The following GALNTL6 variants were observed in gnomAD, a reference collection of about 807,000 sequenced individuals.
GALNTL6 encodes the protein polypeptide N-acetylgalactosaminyltransferase like 6.
GALNTL6 carries 46 observed loss-of-function variants against 73.7 expected under a neutral mutation model. The ratio of observed to expected loss-of-function variants is 0.62; its 90% confidence interval spans 0.49 to 0.80. The LOEUF (loss-of-function observed/expected upper bound fraction) is 0.80. GALNTL6 is among the 30% of genes least tolerant of loss of function. The pLI is 0.00. For synonymous variants in GALNTL6, 259 were observed against 263.7 expected (o/e 0.98, Z 0.17); for missense variants, 604 against 755.0 (o/e 0.80, Z 2.34).
intron 4 of GALNTL6, among the ~76,000 whole-genome samples, chr4:172,334,389 A>G (rs1741236156): frequency 1.3e-5 from 2 of 152,144 alleles, no homozygotes; most frequent in Non-Finnish European, 1.5e-5. Flanking sequence ...TAAGTATAGT[A>G]TATTTTTCCA....
chr4:172,273,763 G>T (rs1481799908), intron 3 of GALNTL6, among the ~76,000 whole-genome samples: 2 of 152,162 alleles, frequency 1.3e-5, no homozygotes, highest in African/African-American at 4.8e-5. Context: ...TAGTGGGACC[G>T]AAGGGTGGAT....
intron 2 of GALNTL6, among the ~76,000 whole-genome samples, chr4:172,129,446 A>C (rs941834759): frequency 2.6e-5 from 4 of 152,200 alleles, no homozygotes; most frequent in African/African-American, 4.8e-5. Context: ...GGCATGCCTT[A>C]AAGTTTGAGA....
At chr4:172,052,559 G>A (rs1387615167) in intron 2 of GALNTL6, 5 of 1,479,856 alleles carry the variant, frequency 3.4e-6, no homozygotes, top group Non-Finnish European at 4.6e-6. Flanking sequence ...AACGGCTGCA[G>A]TGCAGACCAA....
At chr4:172,431,572 A>G (rs1207390770) in intron 5 of GALNTL6, among the ~76,000 whole-genome samples, 1 of 152,164 alleles carries the variant, frequency 6.6e-6, no homozygotes, top group Non-Finnish European at 1.5e-5. Flanking sequence ...TGCTCTAAAA[A>G]TTCAGAATGA....
intron 4 of GALNTL6, among the ~76,000 whole-genome samples, chr4:172,320,045 G>C (rs1578951704): frequency 6.6e-6 from 1 of 152,264 alleles, no homozygotes; most frequent in East Asian, 1.9e-4. Flanking sequence ...CCTAGGAGGA[G>C]CAGGACTTCA....
intron 9 of GALNTL6, among the ~76,000 whole-genome samples, chr4:172,931,556 T>C (rs1246995095): frequency 1.3e-5 from 2 of 152,210 alleles, no homozygotes; most frequent in Non-Finnish European, 2.9e-5. Flanking sequence ...AAGTCTGAAC[T>C]AGGTGCTTGT....
chr4:172,259,577 AT>A (rs1738189181), intron 3 of GALNTL6, among the ~76,000 whole-genome samples: 1 of 150,832 alleles, frequency 6.6e-6, no homozygotes, highest in South Asian at 2.1e-4. Context: ...TACTCTGCTG[AT>A]TATTTCTTTT....
chr4:171,941,486 G>C (rs932362482), intron 2 of GALNTL6, among the ~76,000 whole-genome samples: 32 of 152,036 alleles, frequency 2.1e-4, no homozygotes, highest in African/African-American at 7.5e-4. Context: ...AAATTCTTCT[G>C]TAACATTGAC....
chr4:171,914,580 C>T (rs368314110), intron 2 of GALNTL6, among the ~76,000 whole-genome samples: 1 of 151,346 alleles, frequency 6.6e-6, no homozygotes, highest in South Asian at 2.1e-4. Flanking sequence ...CTACCATGCC[C>T]AATTTTTGTA....
At position 172,871,588 on chromosome 4, in the gene GALNTL6, T is replaced by TGG. The variant is rs199889170; in HGVS notation, c.924-11195_924-11194dup. On this transcript the variant is annotated intron_variant, in intron 7 of 12. Coordinates refer to ENST00000506823, the MANE Select transcript of GALNTL6 (RefSeq NM_001034845.3). Reference sequence around the variant, plus strand: ...CAGTAGGATCTATAGTCTCTGACTCTGGGGGGGGTGTGTGTGTGTGAGAGT... The same window carrying TGG: ...CAGTAGGATCTATAGTCTCTGACTCTGGGGGGGGGGTGTGTGTGTGTGAGAGT... Among the ~76,000 whole-genome samples the TGG allele has an allele frequency of 2.8e-3, 343 of 121,852 alleles. 2 individuals are homozygous for TGG. Among genetic ancestry groups the TGG allele is most frequent in the South Asian group, 5.2e-3 (15 of 2,884 alleles). The allele number at this position is 121,852 out of a possible 152,430, so 79.9% of individuals were successfully genotyped here.
intron 8 of GALNTL6, among the ~76,000 whole-genome samples, chr4:172,909,403 A>C (rs1747082002): frequency 1.3e-5 from 2 of 151,982 alleles, no homozygotes. Context: ...ATCTGGGAAA[A>C]ATTATTTGCA....
intron 5 of GALNTL6, among the ~76,000 whole-genome samples, chr4:172,522,721 ATGAGGG>A (rs1734825753): frequency 1.4e-5 from 2 of 138,782 alleles, no homozygotes; most frequent in Middle Eastern, 3.9e-3. Context: ...AATTATGAGG[ATGAGGG>A]TTTTCATTCA....
At chr4:172,295,531 G>GTTTTTTTTTTTTTTTTTT (rs58721038) in intron 3 of GALNTL6, among the ~76,000 whole-genome samples, 2 of 73,164 alleles carry the variant, frequency 2.7e-5, no homozygotes, top group Admixed American at 1.7e-4. Flanking sequence ...CTTTTTTTAG[G>GTTTTTTTTTTTTTTTTTT]TTTTTTTTTT....
chr4:172,871,142 A>G (rs867965155), intron 7 of GALNTL6, among the ~76,000 whole-genome samples: 6 of 152,160 alleles, frequency 3.9e-5, no homozygotes, highest in Admixed American at 3.9e-4. Context: ...TACCCTAATT[A>G]CTTCTGGTCC....
chr4:172,953,616 A>G (rs1340200894), intron 10 of GALNTL6, among the ~76,000 whole-genome samples: 1 of 152,202 alleles, frequency 6.6e-6, no homozygotes, highest in African/African-American at 2.4e-5. Flanking sequence ...TCCCTGTAGA[A>G]GACGTGTTCA....
intron 5 of GALNTL6, among the ~76,000 whole-genome samples, chr4:172,718,112 G>A (rs1244886398): frequency 1.3e-5 from 2 of 152,154 alleles, no homozygotes; most frequent in Non-Finnish European, 2.9e-5. Flanking sequence ...ATCTATTAAA[G>A]TTTTGGTTGG....
At chr4:172,845,216 C>A (rs199521144) in intron 7 of GALNTL6, among the ~76,000 whole-genome samples, 24 of 91,018 alleles carry the variant, frequency 2.6e-4, no homozygotes, top group East Asian at 1.5e-3. Flanking sequence ...GTCTCTGTCT[C>A]AAAAAAAAAA....
chr4:172,220,296 T>C (rs1175425751), intron 2 of GALNTL6, among the ~76,000 whole-genome samples: 2 of 151,796 alleles, frequency 1.3e-5, no homozygotes, highest in Non-Finnish European at 3.0e-5. Flanking sequence ...ATTGGTTATA[T>C]GAATGAGGGC....
chr4:172,167,532 A>C (rs533306860), intron 2 of GALNTL6, among the ~76,000 whole-genome samples: 1 of 152,382 alleles, frequency 6.6e-6, no homozygotes, highest in South Asian at 2.1e-4. Flanking sequence ...TGAAGAATTC[A>C]GTTTGGTAAT....
Sources: allele counts gnomAD v4.1 joint callset (sites outside exome capture counted in the v4.1 genomes callset), GRCh38; gene constraint gnomAD v4.1.1; transcripts MANE v1.5; gene names NCBI Gene and HGNC (gene_info 2026-07-23, HGNC 2026-07-21).